MCCC2: variants seen among roughly 807,000 people sequenced by gnomAD.
MCCC2 encodes methylcrotonoyl-CoA carboxylase beta chain, mitochondrial.
In MCCC2, 52 loss-of-function variants were observed where a neutral mutation model predicts 77.2. That is an observed-to-expected ratio of 0.67 (90% CI 0.54 to 0.85). MCCC2 has a LOEUF of 0.85. MCCC2 is among the 40% of genes least tolerant of loss of function. The pLI, the probability that MCCC2 is intolerant of heterozygous loss-of-function variation, is 0.00. For missense variants in MCCC2, 682 were observed against 703.2 expected, an observed-to-expected ratio of 0.97 and a Z score of 0.34; for synonymous variants, 253 against 248.4, an observed-to-expected ratio of 1.02 and a Z score of -0.18.
intron 7 of MCCC2, among the ~76,000 whole-genome samples, chr5:71,628,079 G>A (rs1302854013): frequency 2.0e-5 from 3 of 152,030 alleles, no homozygotes; most frequent in Non-Finnish European, 4.4e-5. Context: ...CCTGACCTCA[G>A]GTGGTATGCC....
chr5:71,630,107 C>T (rs1746658032), intron 7 of MCCC2, among the ~76,000 whole-genome samples: 1 of 152,144 alleles, frequency 6.6e-6, no homozygotes, highest in Admixed American at 6.6e-5. Flanking sequence ...TGGACCCCAT[C>T]CAGCAATCCA....
intron 6 of MCCC2, among the ~76,000 whole-genome samples, chr5:71,619,391 C>T (rs1372213544): frequency 6.6e-6 from 1 of 151,876 alleles, no homozygotes; most frequent in Admixed American, 6.6e-5. Context: ...GTGGTTGGGA[C>T]TTCAGGTGCA....
At chr5:71,610,893 G>A (rs912929273) in intron 6 of MCCC2, among the ~76,000 whole-genome samples, 3 of 152,208 alleles carry the variant, frequency 2.0e-5, no homozygotes, top group African/African-American at 7.2e-5. Context: ...GACTGAGGCA[G>A]GAGAAATGCT....
chr5:71,588,268 CA>C (rs11309257), intron 1 of MCCC2, among the ~76,000 whole-genome samples: 52,472 of 100,768 alleles, frequency 0.52, 9,621 homozygotes, highest in South Asian at 0.57. Context: ...AACTCTGTCT[CA>C]AAAAAAAAAA....
chr5:71,592,853 TTGACCTTTA>T, intron 1 of MCCC2, 64 bp from the exon 2 acceptor site: 1 of 1,184,326 alleles, frequency 8.4e-7, no homozygotes, highest in Non-Finnish European at 1.2e-6. Flanking sequence ...TTTTTTTTTT[TTGACCTTTA>T]TTTTGGTAAA....
chr5:71,657,173 G>T lies in MCCC2; in HGVS notation c.*313G>T. ...ATCTGTAAACTCAGTTCTGTAATCT[G>T]TATTATTGAGATGATTAATATAAAG... is the stretch of plus-strand genomic sequence containing the variant. On this transcript the variant is annotated 3_prime_UTR_variant, in exon 17 of 17. Transcript: ENST00000340941. 1 of 307,900 alleles carries T rather than the reference G, an allele frequency of 3.2e-6. No homozygotes were observed. The highest frequency in any genetic ancestry group is 3.3e-5 in the South Asian group (1 of 29,854). The allele number at this position is 307,900 out of a possible 1,614,324, so 19.1% of individuals were successfully genotyped here. A position where few individuals can be genotyped will look rare whatever the true frequency, so the allele number is the denominator to read the frequency against.
At chr5:71,604,576 T>C in intron 6 of MCCC2, 108 bp downstream of exon 6, 1 of 820,472 alleles carries the variant, frequency 1.2e-6, no homozygotes, top group Non-Finnish European at 2.0e-6. Flanking sequence ...TAACACAAAA[T>C]CTAATCTTTT....
intron 6 of MCCC2, among the ~76,000 whole-genome samples, chr5:71,617,285 C>T (rs558742858): frequency 9.2e-5 from 14 of 152,302 alleles, no homozygotes; most frequent in African/African-American, 2.6e-4. Context: ...AAATGCCACC[C>T]TTTTAAGGAA....
chr5:71,607,184 C>T (rs1745716491), intron 6 of MCCC2, among the ~76,000 whole-genome samples: 5 of 152,046 alleles, frequency 3.3e-5, no homozygotes, highest in Admixed American at 2.0e-4. Context: ...TGGTAGAATT[C>T]GGCTGTGAAT....
rs187909135 is a variant in MCCC2, at chr5:71,602,129, G to A, written c.384-377G>A. Among the ~76,000 whole-genome samples the A allele has an allele frequency of 6.9e-4, 105 of 151,766 alleles. 1 individual carries two copies. The highest frequency in any genetic ancestry group is 2.3e-3 in the African/African-American group (96 of 41,394). ...GGAGACTTTGAAGGTTTATTATGAG[G>A]GAATTCTTTTCCCTTGAGACTTGGA... On this transcript the variant is annotated intron_variant, in intron 4 of 16. Coordinates refer to ENST00000340941, the MANE Select transcript of MCCC2 (RefSeq NM_022132.5).
intron 6 of MCCC2, among the ~76,000 whole-genome samples, chr5:71,617,392 G>T (rs544514058): frequency 1.6e-4 from 25 of 152,224 alleles, no homozygotes; most frequent in African/African-American, 5.8e-4. Flanking sequence ...CTTTAATCTA[G>T]ATATATCTGG....
intron 16 of MCCC2, 32 bp downstream of exon 16, chr5:71,652,786 G>A: frequency 3.8e-6 from 6 of 1,570,796 alleles, no homozygotes; most frequent in Non-Finnish European, 5.3e-6. Context: ...ACTCTCTGAT[G>A]GGTGCAGATG....
intron 2 of MCCC2, among the ~76,000 whole-genome samples, chr5:71,594,310 C>T (rs1414160801): frequency 1.3e-5 from 2 of 152,100 alleles, no homozygotes; most frequent in Non-Finnish European, 2.9e-5. Flanking sequence ...GGGCGGATCA[C>T]ATGAAGTCAG....
chr5:71,649,327 T>G (rs1222733442), intron 14 of MCCC2, 74 bp downstream of exon 14: 1 of 1,412,644 alleles, frequency 7.1e-7, no homozygotes, highest in Non-Finnish European at 1.0e-6. Context: ...TTATTTCAGG[T>G]GTATTTGAAA....
intron 10 of MCCC2, chr5:71,635,662 A>G (rs552621983): frequency 1.7e-5 from 6 of 343,908 alleles, no homozygotes; most frequent in South Asian, 1.4e-4. Context: ...TGACATTTGC[A>G]ATGATTAGAC....
chr5:71,657,399 C>G lies in MCCC2; in HGVS notation c.*539C>G, dbSNP rs888134006. On this transcript the variant is annotated 3_prime_UTR_variant, in exon 17 of 17. Coordinates refer to ENST00000340941, the MANE Select transcript of MCCC2 (RefSeq NM_022132.5). Reference sequence around the variant, plus strand: ...TTCAAACAACAGCGCTCCCCATTTCCCCCTCCCCCGAGCCCATGACATCTC... The same window carrying G: ...TTCAAACAACAGCGCTCCCCATTTCGCCCTCCCCCGAGCCCATGACATCTC... 6 of 154,280 alleles carry G rather than the reference C, an allele frequency of 3.9e-5. No individual in the cohort carries two copies. The highest frequency in any genetic ancestry group is 2.6e-4 in the Admixed American group (4 of 15,490). The allele number at this position is 154,280 out of a possible 1,614,324, so 9.6% of individuals were successfully genotyped here.
chr5:71,644,068 TGTGCGC>T lies in MCCC2; in HGVS notation c.1149+175_1149+180del, dbSNP rs772291233. On this transcript the variant is annotated intron_variant, in intron 12 of 16. Transcript: ENST00000340941. ...GTGTGTGTGTGTGTGTGTGTGTGTG[TGTGCGC>T]GCGTGTGTATATATGTGCATGTATG... Among the ~76,000 whole-genome samples, 185 of 135,424 alleles carry T rather than the reference TGTGCGC, an allele frequency of 1.4e-3. 1 individual carries two copies. Among genetic ancestry groups the T allele is most frequent in the African/African-American group, 5.2e-3 (144 of 27,764 alleles). 88.8% of individuals were successfully genotyped at this position (135,424 alleles called of 152,430 possible).
At chr5:71,588,032 G>T (rs1744830764) in intron 1 of MCCC2, among the ~76,000 whole-genome samples, 1 of 152,184 alleles carries the variant, frequency 6.6e-6, no homozygotes, top group Admixed American at 6.5e-5. Flanking sequence ...GCTTTGGGAG[G>T]CCCTGGCGGG....
intron 16 of MCCC2, among the ~76,000 whole-genome samples, chr5:71,653,932 C>G (rs1747510057): frequency 6.6e-6 from 1 of 150,906 alleles, no homozygotes; most frequent in African/African-American, 2.4e-5. Flanking sequence ...ACAAAACATA[C>G]TGATTTTCAA....
Sources: gnomAD v4.1 joint callset for allele counts (sites outside exome capture counted in the v4.1 genomes callset) on GRCh38, gnomAD v4.1.1 for gene constraint, MANE v1.5 for transcripts, NCBI Gene and HGNC (gene_info 2026-07-23, HGNC 2026-07-21) for gene names.